The following TSHZ1 variants were observed in gnomAD, a reference collection of about 807,000 sequenced individuals.
The protein encoded by TSHZ1 is teashirt zinc finger homeobox 1.
In TSHZ1, 12 loss-of-function variants were observed where a neutral mutation model predicts 67.1. The observed-to-expected ratio is 0.18, with a 90% CI of 0.11 to 0.29. TSHZ1 has a LOEUF of 0.29. Ranked by LOEUF, TSHZ1 falls within the 10% of genes least tolerant of loss-of-function variation. The probability of loss-of-function intolerance (pLI) is 1.00; values close to 1 mark genes in which losing one functional copy is unlikely to be tolerated. For missense variants in TSHZ1, 1,305 were observed against 1,413.9 expected (o/e 0.92, Z 1.23); for synonymous variants, 632 against 622.4 (o/e 1.02, Z -0.23).
chr18:75,256,657 G>A (rs1381393556), intron 1 of TSHZ1, among the ~76,000 whole-genome samples: 2 of 152,182 alleles, frequency 1.3e-5, no homozygotes, highest in Non-Finnish European at 2.9e-5. Flanking sequence ...TCATGAATTA[G>A]ATGAAAGAAA....
In TSHZ1 at chr18:75,281,891, C is replaced by T. The variant is rs1332840304; in HGVS notation, c.41-3557C>T. Among the ~76,000 whole-genome samples, 1 of 152,106 alleles carries T rather than the reference C, an allele frequency of 6.6e-6. No homozygotes were observed. Among genetic ancestry groups the T allele is most frequent in the Non-Finnish European group, 1.5e-5 (1 of 67,996 alleles). ...ACCCTGGTCCACACGGGGCTCCCTG[C>T]CTTCCAAAAGTGTCCCTCACCTACC... On this transcript the variant is annotated intron_variant, in intron 1 of 1. Coordinates refer to ENST00000580243, the MANE Select transcript of TSHZ1 (RefSeq NM_001308210.2). The surrounding 1 kb of genome is among the most constrained non-coding windows in gnomAD (Gnocchi z 5.3).
At chr18:75,265,942 A>T (rs2023485635) in intron 1 of TSHZ1, among the ~76,000 whole-genome samples, 1 of 152,230 alleles carries the variant, frequency 6.6e-6, no homozygotes. Flanking sequence ...ATCAGTTTAC[A>T]AAAGTGTTCT....
chr18:75,286,579 C>T lies in TSHZ1; in HGVS notation c.1172C>T (p.Thr391Met), dbSNP rs754088993. Reference protein sequence around the residue: ...KDQKAANPYVTPNNRYGYQNG... With the variant: ...KDQKAANPYVMPNNRYGYQNG... ...CAGAAAGCAGCGAACCCGTACGTCA[C>T]GCCCAATAACCGCTATGGCTACCAG... The change falls in exon 2 of 2, where the codon ACG (threonine) becomes ATG (methionine). Residue 391 changes from threonine to methionine, a missense_variant. Around this residue, in one of 3 missense-constraint regions of TSHZ1, gnomAD observed 909 missense variants for 961.8 expected, o/e 0.95. Coordinates refer to ENST00000580243, the MANE Select transcript of TSHZ1 (RefSeq NM_001308210.2). The surrounding 1 kb of genome is among the most constrained non-coding windows in gnomAD (Gnocchi z 5.1). 9.3e-6 allele frequency: 15 copies of T among 1,614,104 alleles called. No individual in the cohort carries two copies. Among genetic ancestry groups the T allele is most frequent in the East Asian group, 2.2e-5 (1 of 44,878 alleles).
rs1294607622 is a variant in TSHZ1 at position 75,289,577 on chromosome 18, G to C, written c.*936G>C. 6.0e-6 allele frequency: 1 copy of C among 166,966 alleles called. No individual in the cohort carries two copies. Among genetic ancestry groups the C allele is most frequent in the Non-Finnish European group, 1.5e-5 (1 of 68,104 alleles). The allele number at this position is 166,966 out of a possible 1,614,324, so 10.3% of individuals were successfully genotyped here. Reference sequence around the variant, plus strand: ...TAAAAACTCCTGTATGTTACATATCGTACCATTTTAATCTCTTCAACTTTC... The same window carrying C: ...TAAAAACTCCTGTATGTTACATATCCTACCATTTTAATCTCTTCAACTTTC... On this transcript the variant is annotated 3_prime_UTR_variant, in exon 2 of 2. Transcript: ENST00000580243.
At chr18:75,258,066 A>T (rs1474663160) in intron 1 of TSHZ1, among the ~76,000 whole-genome samples, 1 of 152,136 alleles carries the variant, frequency 6.6e-6, no homozygotes, top group Non-Finnish European at 1.5e-5. Context: ...CCTAGGACCC[A>T]TCTGCCGGCT....
rs953351923 is a variant in TSHZ1, at chr18:75,216,530, C to T, written c.40+4614C>T. ...CTGTAGTATCTATACAGGCCGATAA[C>T]GAAAACTGTTTCACTGTAAGACCAT... On this transcript the variant is annotated intron_variant, in intron 1 of 1. Transcript: ENST00000580243. Among the ~76,000 whole-genome samples the T allele has an allele frequency of 3.3e-5, 5 of 152,262 alleles. No homozygotes were observed. In the South Asian group the frequency reaches 8.3e-4, roughly 25 times the overall value.
intron 1 of TSHZ1, among the ~76,000 whole-genome samples, chr18:75,244,186 G>T (rs1337818034): frequency 6.6e-6 from 1 of 152,066 alleles, no homozygotes; most frequent in Non-Finnish European, 1.5e-5. Flanking sequence ...GGGTTCCCTT[G>T]CACCCCAGAA....
chr18:75,212,895 AC>A (rs1433275704), intron 1 of TSHZ1, among the ~76,000 whole-genome samples: 1 of 152,190 alleles, frequency 6.6e-6, no homozygotes, highest in Non-Finnish European at 1.5e-5. Context: ...TCAGTTTTGG[AC>A]ATTGCGTTTG....
At chr18:75,236,577 CAAT>C (rs1196838550) in intron 1 of TSHZ1, among the ~76,000 whole-genome samples, 2 of 152,096 alleles carry the variant, frequency 1.3e-5, no homozygotes, top group Admixed American at 1.3e-4. Flanking sequence ...ATAGCTATAA[CAAT>C]AATAACAGCA....
rs763170212 is a variant in TSHZ1, at chr18:75,285,821, G to A, written c.414G>A (p.Lys138=). 9 of 1,613,890 alleles carry A rather than the reference G, an allele frequency of 5.6e-6. No homozygotes were observed. The highest frequency in any genetic ancestry group is 1.1e-5 in the South Asian group (1 of 91,058). ...CCAGCTTAGCTCTGGATTTAAAGAA[G>A]TCGGGTTCCACCACCAGCACCAACG... ...CWSSLALDLK[K]SGSTTSTNDA... Residue 138 remains lysine, a synonymous_variant, in exon 2 of 2, where the codon AAG becomes AAA. Transcript: ENST00000580243.
At chr18:75,260,368 G>T (rs900285107) in intron 1 of TSHZ1, among the ~76,000 whole-genome samples, 1 of 152,178 alleles carries the variant, frequency 6.6e-6, no homozygotes, top group African/African-American at 2.4e-5. Flanking sequence ...TGGGTTGAAG[G>T]TTTCCTTTTT....
intron 1 of TSHZ1, among the ~76,000 whole-genome samples, chr18:75,216,056 T>A (rs1337133536): frequency 2.0e-5 from 3 of 152,332 alleles, no homozygotes; most frequent in South Asian, 2.1e-4. Flanking sequence ...CTAAGAGATT[T>A]AGGCGCCGCC....
At chr18:75,269,959 C>A (rs564437279) in intron 1 of TSHZ1, among the ~76,000 whole-genome samples, 1 of 152,336 alleles carries the variant, frequency 6.6e-6, no homozygotes, top group South Asian at 2.1e-4. Context: ...TGTAGCCTGT[C>A]ATAGCGGATA....
chr18:75,217,846 A>G (rs905994446), intron 1 of TSHZ1, among the ~76,000 whole-genome samples: 1 of 152,234 alleles, frequency 6.6e-6, no homozygotes, highest in Admixed American at 6.5e-5. Context: ...ATATCTCATG[A>G]AGAGAATGGA....
chr18:75,257,454 A>G (rs2119245), intron 1 of TSHZ1, among the ~76,000 whole-genome samples: 1 of 152,082 alleles, frequency 6.6e-6, no homozygotes, highest in Non-Finnish European at 1.5e-5. Flanking sequence ...GAGTTTAACC[A>G]ATTAATAAGA....
At chr18:75,258,654 T>C (rs2023392402) in intron 1 of TSHZ1, among the ~76,000 whole-genome samples, 1 of 152,192 alleles carries the variant, frequency 6.6e-6, no homozygotes, top group African/African-American at 2.4e-5. Flanking sequence ...TTTACTAAGG[T>C]GAGGTTGTCA....
At chr18:75,256,526 A>G (rs906587170) in intron 1 of TSHZ1, among the ~76,000 whole-genome samples, 4 of 152,350 alleles carry the variant, frequency 2.6e-5, no homozygotes, top group East Asian at 1.9e-4. Flanking sequence ...TAAAAATGCC[A>G]CAAAATGGAG....
In TSHZ1 at chr18:75,288,490, C is replaced by T. The variant is rs763302485; in HGVS notation, c.3083C>T (p.Ala1028Val). The part of the protein sequence containing the change: ...LTNKTLGPLG[A>V]TEEDLGSTFQ... ...AACAAAACTCTGGGCCCACTGGGGGCCACCGAGGAAGACTTGGGCTCCACA... is the reference window on the plus strand; with the variant it reads ...AACAAAACTCTGGGCCCACTGGGGGTCACCGAGGAAGACTTGGGCTCCACA... The change falls in exon 2 of 2, where the codon GCC becomes GTC. Residue 1028 changes from alanine to valine, a missense_variant. Transcript: ENST00000580243. The surrounding 1 kb of genome is among the most constrained non-coding windows in gnomAD (Gnocchi z 4.9). The T allele has an allele frequency of 3.1e-6, 5 of 1,614,072 alleles. No individual in the cohort carries two copies. The highest frequency in any genetic ancestry group is 4.2e-6 in the Non-Finnish European group (5 of 1,180,026).
chr18:75,260,054 C>T (rs184703639), intron 1 of TSHZ1, among the ~76,000 whole-genome samples: 3 of 152,306 alleles, frequency 2.0e-5, no homozygotes, highest in East Asian at 1.9e-4. Flanking sequence ...TAGCAGCTAT[C>T]GGCCCATGAT....
Sources: gnomAD v4.1 joint callset for allele counts (sites outside exome capture counted in the v4.1 genomes callset) on GRCh38, gnomAD v4.1.1 for gene constraint, gnomAD v4.1.1 regional missense constraint, Gnocchi (gnomAD v3.1) non-coding constraint, MANE v1.5 for transcripts, NCBI Gene and HGNC (gene_info 2026-07-23, HGNC 2026-07-21) for gene names.